TCF12: variants seen among roughly 807,000 people sequenced by gnomAD.
TCF12 encodes the protein DNA-binding protein HTF4.
Under a neutral mutation model 86.0 loss-of-function variants are expected in TCF12, and 45 were observed. That is an observed-to-expected ratio of 0.52 (90% confidence interval 0.41 to 0.67). The LOEUF (loss-of-function observed/expected upper bound fraction) is 0.67. Among genes scored for constraint, TCF12 ranks in the 30% least tolerant of loss-of-function variants. The pLI is 0.00. For missense variants in TCF12, 881 were observed against 859.9 expected, an observed-to-expected ratio of 1.02 and a Z score of -0.31; for synonymous variants, 330 against 299.6, an observed-to-expected ratio of 1.10 and a Z score of -1.05.
At position 57,247,139 on chromosome 15, in the gene TCF12, A is replaced by T. The variant is rs1597607500; in HGVS notation, c.1114+3589A>T. 5.4e-6 allele frequency: 3 copies of T among 557,450 alleles called. No individual in the cohort carries two copies. In the East Asian group the frequency reaches 1.1e-4, roughly 21 times the overall value. 34.5% of individuals were successfully genotyped at this position (557,450 alleles called of 1,614,324 possible). Reference sequence around the variant, plus strand: ...TACCACCGCCAAAATTTCCTCCTTCACTCCACCGTCACTCCACCACCACCA... The same window carrying T: ...TACCACCGCCAAAATTTCCTCCTTCTCTCCACCGTCACTCCACCACCACCA... On this transcript the variant is annotated intron_variant, in intron 13 of 20. Coordinates refer to ENST00000333725, the MANE Select transcript of TCF12 (RefSeq NM_207037.2).
intron 4 of TCF12, among the ~76,000 whole-genome samples, chr15:57,089,591 T>G (rs1413660114): frequency 1.3e-5 from 2 of 152,074 alleles, no homozygotes; most frequent in East Asian, 3.8e-4. Flanking sequence ...ATAGTTTTTT[T>G]TTTTTTTTTT....
intron 5 of TCF12, among the ~76,000 whole-genome samples, chr15:57,116,446 A>G (rs2050842555): frequency 6.6e-6 from 1 of 152,070 alleles, no homozygotes; most frequent in South Asian, 2.1e-4. Context: ...CCTAGTCTCA[A>G]GAGATGCTCC....
chr15:57,263,382 T>C (rs2060681843), intron 18 of TCF12, 108 bp downstream of exon 18: 4 of 1,167,112 alleles, frequency 3.4e-6, no homozygotes, highest in South Asian at 2.9e-5. Flanking sequence ...TTCTAGATAT[T>C]GTGTTAGGAT....
rs993043403 is a variant in TCF12 at position 57,210,915 on chromosome 15, T to G, written c.579+13090T>G. Among the ~76,000 whole-genome samples the G allele has an allele frequency of 1.2e-4, 18 of 152,208 alleles. 1 individual carries two copies. The highest frequency in any genetic ancestry group is 4.4e-5 in the Non-Finnish European group (3 of 68,036). ...CCAAAAGGAGCAAAGAAACAAGTCA[T>G]AGATGGGCACTGCATCTTTATTACA... On this transcript the variant is annotated intron_variant, in intron 8 of 20. Transcript: ENST00000333725.
chr15:57,136,313 A>G (rs891348288), intron 5 of TCF12, among the ~76,000 whole-genome samples: 13 of 152,206 alleles, frequency 8.5e-5, no homozygotes, highest in African/African-American at 2.7e-4. Flanking sequence ...GTCAAAAAAC[A>G]CTGGAAGTGG....
At chr15:57,205,340 C>G (rs1206956808) in intron 8 of TCF12, among the ~76,000 whole-genome samples, 1 of 152,054 alleles carries the variant, frequency 6.6e-6, no homozygotes, top group Non-Finnish European at 1.5e-5. Flanking sequence ...TTATCCAAGG[C>G]CCTTAAGACT....
At chr15:57,253,640 A>G (rs1305409353) in intron 16 of TCF12, among the ~76,000 whole-genome samples, 172 bp downstream of exon 16, 13 of 152,182 alleles carry the variant, frequency 8.5e-5, no homozygotes, top group Admixed American at 8.5e-4. Context: ...AGTCCATAAA[A>G]TCTTCTTGTG....
intron 3 of TCF12, chr15:57,001,397 A>G: frequency 5.5e-6 from 1 of 180,552 alleles, no homozygotes. Context: ...AAGTATTTCC[A>G]CCAAAAAGGA....
intron 3 of TCF12, among the ~76,000 whole-genome samples, chr15:56,963,261 A>G (rs1193294722): frequency 6.6e-6 from 1 of 152,122 alleles, no homozygotes; most frequent in Non-Finnish European, 1.5e-5. Context: ...TTGAAAAGAG[A>G]TGAAAAAACA....
intron 3 of TCF12, among the ~76,000 whole-genome samples, chr15:57,054,339 C>G (rs1461007796): frequency 6.6e-6 from 1 of 152,198 alleles, no homozygotes; most frequent in African/African-American, 2.4e-5. Flanking sequence ...TATGCAGAAA[C>G]TGCTTTATTG....
At chr15:57,191,346 C>T (rs551325150) in intron 6 of TCF12, among the ~76,000 whole-genome samples, 1 of 152,228 alleles carries the variant, frequency 6.6e-6, no homozygotes, top group Admixed American at 6.5e-5. Flanking sequence ...TGCCTGTAGT[C>T]CTAGCTGTTT....
chr15:57,057,872 T>C (rs1163960886), intron 3 of TCF12, among the ~76,000 whole-genome samples: 1 of 152,218 alleles, frequency 6.6e-6, no homozygotes, highest in Non-Finnish European at 1.5e-5. Context: ...GTTTTTTGTT[T>C]TTCCTTTCTT....
chr15:57,249,447 T>C (rs1488523491), intron 13 of TCF12, among the ~76,000 whole-genome samples: 5 of 152,160 alleles, frequency 3.3e-5, no homozygotes, highest in African/African-American at 4.8e-5. Context: ...GTGCATATTT[T>C]TTCTCACAAT....
At position 57,220,894 on chromosome 15, in the gene TCF12, AG is replaced by A. The variant is rs530147562; in HGVS notation, c.580-10251del. Among the ~76,000 whole-genome samples the A allele has an allele frequency of 6.5e-4, 99 of 152,098 alleles. 1 individual carries two copies. The highest frequency in any genetic ancestry group is 2.2e-3 in the African/African-American group (90 of 41,492). ...AAAAATGCATATATGGGCTTAGTGAAGGGGGGGAGAGGGGAGCATTTTTAAT... is the reference window on the plus strand; with the variant it reads ...AAAAATGCATATATGGGCTTAGTGAAGGGGGGAGAGGGGAGCATTTTTAAT... On this transcript the variant is annotated intron_variant, in intron 8 of 20. Transcript: ENST00000333725.
chr15:57,279,207 T>C (rs2061568065), intron 19 of TCF12, among the ~76,000 whole-genome samples: 1 of 128,912 alleles, frequency 7.8e-6, no homozygotes, highest in Non-Finnish European at 1.5e-5. Flanking sequence ...TTGCCCAGGC[T>C]ACTGTAAAAT....
chr15:56,984,262 G>GTGTA lies in TCF12; in HGVS notation c.148+63167_148+63168insATGT, dbSNP rs2063059910. Among the ~76,000 whole-genome samples, 3 of 147,964 alleles carry GTGTA rather than the reference G, an allele frequency of 2.0e-5. No individual in the cohort carries two copies. The South Asian group carries it at 6.4e-4, about 31-fold the overall frequency. ...AAGCATGTGCATGGTGTGTGTGTGT[G>GTGTA]TGTGTGTGTGTGTGTGTGTGTGTGT... On this transcript the variant is annotated intron_variant, in intron 3 of 20. Transcript: ENST00000333725.
At chr15:57,266,276 C>G (rs545425995) in intron 18 of TCF12, among the ~76,000 whole-genome samples, 27 of 152,128 alleles carry the variant, frequency 1.8e-4, no homozygotes, top group Admixed American at 2.0e-4. Flanking sequence ...CAAGGTTTCA[C>G]CATGTTTTCC....
intron 6 of TCF12, among the ~76,000 whole-genome samples, chr15:57,178,177 A>G (rs1199736436): frequency 1.3e-5 from 2 of 152,212 alleles, no homozygotes; most frequent in African/African-American, 4.8e-5. Flanking sequence ...AACAAGGGGT[A>G]GGAGATGGCA....
At chr15:57,219,058 G>A (rs2058455768) in intron 8 of TCF12, 1 of 1,052,056 alleles carries the variant, frequency 9.5e-7, no homozygotes, top group Non-Finnish European at 1.1e-6. Flanking sequence ...ATGGCAGATG[G>A]TAACGCTGGA....
Sources: gnomAD v4.1 joint callset for allele counts (sites outside exome capture counted in the v4.1 genomes callset) on GRCh38, gnomAD v4.1.1 for gene constraint, MANE v1.5 for transcripts, NCBI Gene and HGNC (gene_info 2026-07-23, HGNC 2026-07-21) for gene names.